Variants in ARPP19 observed in about 807,000 individuals in gnomAD.
ARPP19 encodes cAMP regulated phosphoprotein 19, also known as cAMP-regulated phosphoprotein 19.
In ARPP19, 8 loss-of-function variants were observed where a neutral mutation model predicts 12.0. That is an observed-to-expected ratio of 0.67 (90% CI 0.39 to 1.21). The LOEUF (loss-of-function observed/expected upper bound fraction) is 1.21, where lower values mean the gene tolerates loss of function less well. ARPP19 is among the 50% of genes most tolerant of loss of function. ARPP19 has a pLI of 0.01. For missense variants in ARPP19, 102 were observed against 136.3 expected (o/e 0.75, Z 1.25); for synonymous variants, 47 against 50.4 (o/e 0.93, Z 0.29).
intron 1 of ARPP19, among the ~76,000 whole-genome samples, chr15:52,565,170 TG>T (rs2078070041): frequency 6.6e-6 from 1 of 151,864 alleles, no homozygotes; most frequent in African/African-American, 2.4e-5. Flanking sequence ...CCTCAGCCTC[TG>T]GAGTAGGTGG....
intron 2 of ARPP19, among the ~76,000 whole-genome samples, chr15:52,556,591 T>C (rs983697850): frequency 6.6e-6 from 1 of 152,162 alleles, no homozygotes; most frequent in African/African-American, 2.4e-5. Flanking sequence ...TAAGTGATCA[T>C]TTCATCCAAA....
Position 52,551,292 on chromosome 15 carries a change from C to A in ARPP19, c.*642G>T, listed in dbSNP as rs1251605595. The A allele has an allele frequency of 6.5e-6, 1 of 152,690 alleles. No homozygotes were observed. Among genetic ancestry groups the A allele is most frequent in the Admixed American group, 6.5e-5 (1 of 15,288 alleles). 9.5% of individuals were successfully genotyped at this position (152,690 alleles called of 1,614,324 possible). On this transcript the variant is annotated 3_prime_UTR_variant, in exon 3 of 3. Transcript: ENST00000249822. ...CACATCTTCAACAACAAAAGGTATT[C>A]TAACTCTACAGAACTGAATATTAGC...
intron 1 of ARPP19, 77 bp downstream of exon 1, chr15:52,568,771 C>G: frequency 9.1e-7 from 1 of 1,095,892 alleles, no homozygotes; most frequent in Non-Finnish European, 1.3e-6. Flanking sequence ...CGGGCGCGGC[C>G]CTCCGCCTGG....
intron 1 of ARPP19, among the ~76,000 whole-genome samples, chr15:52,566,915 G>A (rs1476151337): frequency 6.6e-6 from 1 of 152,198 alleles, no homozygotes; most frequent in Admixed American, 6.5e-5. Flanking sequence ...GCAAGGCCCA[G>A]CTATCTACCT....
At chr15:52,563,242 T>C (rs1311590607) in intron 1 of ARPP19, among the ~76,000 whole-genome samples, 1 of 152,166 alleles carries the variant, frequency 6.6e-6, no homozygotes. Flanking sequence ...CACAGCAATT[T>C]TACTACATTT....
intron 1 of ARPP19, among the ~76,000 whole-genome samples, chr15:52,558,156 A>C (rs2077998653): frequency 6.6e-6 from 1 of 152,160 alleles, no homozygotes; most frequent in Non-Finnish European, 1.5e-5. Flanking sequence ...CAGAAGAATT[A>C]ATCAAGAAAA....
rs189937354 is a variant in ARPP19, at chr15:52,562,446, A to T, written c.46-5224T>A. On this transcript the variant is annotated intron_variant, in intron 1 of 2. Coordinates refer to ENST00000249822, the MANE Select transcript of ARPP19 (RefSeq NM_006628.6). ...GTTAAAAAAGAAAGCACGAGTATTT[A>T]AAAAAAATAGGAGTTCTAGACCTAC... Among the ~76,000 whole-genome samples, 9 of 151,896 alleles carry T rather than the reference A, an allele frequency of 5.9e-5. No homozygotes were observed. In the East Asian group the frequency reaches 7.7e-4, roughly 13 times the overall value.
At chr15:52,566,470 A>T (rs1436454086) in intron 1 of ARPP19, among the ~76,000 whole-genome samples, 1 of 152,122 alleles carries the variant, frequency 6.6e-6, no homozygotes, top group South Asian at 2.1e-4. Context: ...TTAAATTTTT[A>T]AAAAATATTT....
In ARPP19 at chr15:52,548,582, C is replaced by T. The variant is rs1219741991; in HGVS notation, c.*3352G>A. 6.6e-6 allele frequency: 1 copy of T among 152,476 alleles called. No individual in the cohort carries two copies. Among genetic ancestry groups the T allele is most frequent in the Non-Finnish European group, 1.5e-5 (1 of 68,076 alleles). 9.4% of individuals were successfully genotyped at this position (152,476 alleles called of 1,614,324 possible). A position where few individuals can be genotyped will look rare whatever the true frequency, so the allele number is the denominator to read the frequency against. ...TGTCCTGCCTGGGATGTGAATCACC[C>T]CTTTGTCCTGCTTATCCACACTGTA... On this transcript the variant is annotated 3_prime_UTR_variant, in exon 3 of 3. Coordinates refer to ENST00000249822, the MANE Select transcript of ARPP19 (RefSeq NM_006628.6).
chr15:52,547,463 A>T lies in ARPP19; in HGVS notation c.*4471T>A, dbSNP rs1566891224. ...GTGATGCAGTAACAGATCCAAGGGCATAATATTAAATATGTTTTTTTCCAA... is the reference window on the plus strand; with the variant it reads ...GTGATGCAGTAACAGATCCAAGGGCTTAATATTAAATATGTTTTTTTCCAA... On this transcript the variant is annotated 3_prime_UTR_variant, in exon 3 of 3. Transcript: ENST00000249822. The T allele has an allele frequency of 6.6e-6, 1 of 152,142 alleles. No individual in the cohort carries two copies. The highest frequency in any genetic ancestry group is 1.5e-5 in the Non-Finnish European group (1 of 68,044). 9.4% of individuals were successfully genotyped at this position (152,142 alleles called of 1,614,324 possible).
rs1361762921 is a variant in ARPP19 at position 52,549,489 on chromosome 15, A to T, written c.*2445T>A. ...TCCTGAGATTTAAGCACTGTGACTT[A>T]CAGAAGGCAGGTTGGCTTAATGAGG... On this transcript the variant is annotated 3_prime_UTR_variant, in exon 3 of 3. Coordinates refer to ENST00000249822, the MANE Select transcript of ARPP19 (RefSeq NM_006628.6). The T allele has an allele frequency of 1.3e-5, 2 of 152,676 alleles. No individual in the cohort carries two copies. Among genetic ancestry groups the T allele is most frequent in the Non-Finnish European group, 2.9e-5 (2 of 68,056 alleles). The allele number at this position is 152,676 out of a possible 1,614,324, so 9.5% of individuals were successfully genotyped here.
chr15:52,563,443 A>G (rs897763706), intron 1 of ARPP19, among the ~76,000 whole-genome samples: 1 of 152,166 alleles, frequency 6.6e-6, no homozygotes, highest in South Asian at 2.1e-4. Context: ...TATCCAAAAA[A>G]CAAAAACAAA....
chr15:52,556,293 A>T (rs2077980824), intron 2 of ARPP19, among the ~76,000 whole-genome samples: 1 of 152,024 alleles, frequency 6.6e-6, no homozygotes, highest in Non-Finnish European at 1.5e-5. Flanking sequence ...GTAGTATTTC[A>T]TCCTTCCCTG....
At chr15:52,562,907 G>A (rs1404474415) in intron 1 of ARPP19, among the ~76,000 whole-genome samples, 3 of 132,012 alleles carry the variant, frequency 2.3e-5, no homozygotes, top group Non-Finnish European at 3.1e-5. Context: ...TCACTCTGTC[G>A]CCCAGGCTGG....
chr15:52,569,123 C>G, upstream of ARPP19: 1 of 531,084 alleles, frequency 1.9e-6, no homozygotes, highest in Non-Finnish European at 3.3e-6. Context: ...TACTTGACCC[C>G]GCTTCTCCCG....
In ARPP19 at chr15:52,550,685, A is replaced by C. The variant is rs979624925; in HGVS notation, c.*1249T>G. ...AAAACGCCATTATTGTGTTATATAAAAGAGTAAGGATATAGACACCTATGC... is the reference window on the plus strand; with the variant it reads ...AAAACGCCATTATTGTGTTATATAACAGAGTAAGGATATAGACACCTATGC... On this transcript the variant is annotated 3_prime_UTR_variant, in exon 3 of 3. Coordinates refer to ENST00000249822, the MANE Select transcript of ARPP19 (RefSeq NM_006628.6). The C allele has an allele frequency of 2.0e-5, 3 of 152,440 alleles. No individual in the cohort carries two copies. The highest frequency in any genetic ancestry group is 6.5e-5 in the Admixed American group (1 of 15,270). 9.4% of individuals were successfully genotyped at this position (152,440 alleles called of 1,614,324 possible).
At position 52,550,327 on chromosome 15, in the gene ARPP19, A is replaced by G. The variant is rs1237768644; in HGVS notation, c.*1607T>C. ...CAGAAGCAAACATCTAAACATTTTT[A>G]ATAGGAGTTTTACCTGTCATGTAAA... On this transcript the variant is annotated 3_prime_UTR_variant, in exon 3 of 3. Coordinates refer to ENST00000249822, the MANE Select transcript of ARPP19 (RefSeq NM_006628.6). The G allele has an allele frequency of 6.6e-6, 1 of 152,248 alleles. No homozygotes were observed. The highest frequency in any genetic ancestry group is 2.4e-5 in the African/African-American group (1 of 41,466). 9.4% of individuals were successfully genotyped at this position (152,248 alleles called of 1,614,324 possible).
intron 1 of ARPP19, among the ~76,000 whole-genome samples, chr15:52,558,901 C>T (rs2078007595): frequency 6.6e-6 from 1 of 151,932 alleles, no homozygotes; most frequent in South Asian, 2.1e-4. Flanking sequence ...GGCCTCAAAG[C>T]TATCCTCTCA....
At chr15:52,561,629 TG>T (rs1331198377) in intron 1 of ARPP19, among the ~76,000 whole-genome samples, 3 of 151,848 alleles carry the variant, frequency 2.0e-5, no homozygotes, top group Non-Finnish European at 2.9e-5. Flanking sequence ...AAAGGAGTGT[TG>T]GGGAGAGCAA....
Sources: gnomAD v4.1 joint callset for allele counts (sites outside exome capture counted in the v4.1 genomes callset) on GRCh38, gnomAD v4.1.1 for gene constraint, MANE v1.5 for transcripts, NCBI Gene and HGNC (gene_info 2026-07-23, HGNC 2026-07-21) for gene names.